Variants in HNF4A observed in about 807,000 individuals in gnomAD.
HNF4A encodes the protein hepatocyte nuclear factor 4-alpha.
A neutral mutation model predicts 52.4 loss-of-function variants in HNF4A; 15 were observed. The ratio of observed to expected loss-of-function variants is 0.29; its 90% CI spans 0.19 to 0.44. HNF4A has a LOEUF of 0.44. Ranked by LOEUF, HNF4A falls within the 20% of genes least tolerant of loss-of-function variation. The pLI, the probability that HNF4A is intolerant of heterozygous loss-of-function variation, is 1.00. For synonymous variants in HNF4A, 280 were observed against 264.4 expected, an observed-to-expected ratio of 1.06 and a Z score of -0.57; for missense variants, 479 against 647.2, an observed-to-expected ratio of 0.74 and a Z score of 2.82.
intron 3 of HNF4A, among the ~76,000 whole-genome samples, chr20:44,413,426 C>T (rs780506227): frequency 6.6e-6 from 1 of 152,102 alleles, no homozygotes; most frequent in Non-Finnish European, 1.5e-5. Context: ...AATTTTAAAC[C>T]CATAGCCGAG....
At position 44,432,830 on chromosome 20, in the gene HNF4A, C is replaced by T. The variant is rs926676104; in HGVS notation, c.*3165C>T. The T allele has an allele frequency of 9.9e-5, 15 of 152,156 alleles. No homozygotes were observed. The highest frequency in any genetic ancestry group is 2.2e-4 in the African/African-American group (9 of 41,502). 9.4% of individuals were successfully genotyped at this position (152,156 alleles called of 1,614,324 possible). ...AAAGTTTATAAAACAAAATAAATGG[C>T]GCATATGTTTTCTAAGTCCTTGGAT... On this transcript the variant is annotated 3_prime_UTR_variant, in exon 10 of 10. Transcript: ENST00000316099.
intron 3 of HNF4A, among the ~76,000 whole-genome samples, chr20:44,410,436 T>C (rs953762026): frequency 6.6e-6 from 1 of 152,000 alleles, no homozygotes; most frequent in Non-Finnish European, 1.5e-5. Flanking sequence ...GCCACTGTGG[T>C]CAAGCCATAG....
chr20:44,386,159 ATTTTTTTT>A (rs35559000), intron 1 of HNF4A, among the ~76,000 whole-genome samples: 5 of 73,060 alleles, frequency 6.8e-5, no homozygotes, highest in African/African-American at 2.4e-4. Flanking sequence ...CCACCATCTG[ATTTTTTTT>A]TTTTTTTTTT....
At chr20:44,408,481 T>C (rs1002665897) in intron 3 of HNF4A, among the ~76,000 whole-genome samples, 2 of 152,144 alleles carry the variant, frequency 1.3e-5, no homozygotes, top group African/African-American at 4.8e-5. Context: ...TCCCAGCACT[T>C]TGGGAGGCCG....
chr20:44,393,414 C>A (rs1050573683), intron 1 of HNF4A, among the ~76,000 whole-genome samples: 5 of 152,224 alleles, frequency 3.3e-5, no homozygotes, highest in African/African-American at 1.2e-4. Context: ...CAGTCAGCAT[C>A]TCCCACAGTG....
intron 1 of HNF4A, among the ~76,000 whole-genome samples, chr20:44,358,939 G>A (rs2062889254): frequency 6.6e-6 from 1 of 152,120 alleles, no homozygotes; most frequent in African/African-American, 2.4e-5. Context: ...GGTGGACTTG[G>A]CCCTCCCTGG....
At chr20:44,385,711 C>T (rs545307217) in intron 1 of HNF4A, among the ~76,000 whole-genome samples, 3 of 152,138 alleles carry the variant, frequency 2.0e-5, no homozygotes, top group Admixed American at 6.5e-5. Flanking sequence ...TCCAGTGATC[C>T]ACCTGCCTTG....
At chr20:44,419,479 T>C (rs953124652) in intron 6 of HNF4A, among the ~76,000 whole-genome samples, 1 of 152,176 alleles carries the variant, frequency 6.6e-6, no homozygotes, top group African/African-American at 2.4e-5. Context: ...TGTTGGTAAA[T>C]GGAGCTTGGG....
chr20:44,404,437 A>T (rs1356415279), intron 1 of HNF4A, among the ~76,000 whole-genome samples: 1 of 152,094 alleles, frequency 6.6e-6, no homozygotes, highest in East Asian at 1.9e-4. Context: ...CCCCTGAGGA[A>T]TCCAAGGTTG....
intron 1 of HNF4A, among the ~76,000 whole-genome samples, chr20:44,383,206 G>A (rs2063177014): frequency 6.6e-6 from 1 of 152,096 alleles, no homozygotes; most frequent in Non-Finnish European, 1.5e-5. Context: ...ATTTGGATCT[G>A]GATCCTGCCA....
Position 44,402,646 on chromosome 20 carries a change from T to G in HNF4A, c.115+1159T>G, listed in dbSNP as rs777719347. 5.9e-6 allele frequency: 8 copies of G among 1,356,210 alleles called. No individual in the cohort carries two copies. The Admixed American group carries it at 9.7e-5, about 16-fold the overall frequency. 84.0% of individuals were successfully genotyped at this position (1,356,210 alleles called of 1,614,324 possible). On this transcript the variant is annotated intron_variant, in intron 1 of 9. Transcript: ENST00000316099. Reference sequence around the variant, plus strand: ...GGGTGGACAGTTCTCCACAGGGAGGTAGGGGAAAAGAGGAGGCCCGGAAAC... The same window carrying G: ...GGGTGGACAGTTCTCCACAGGGAGGGAGGGGAAAAGAGGAGGCCCGGAAAC...
chr20:44,358,883 G>A (rs771690962), intron 1 of HNF4A, among the ~76,000 whole-genome samples: 12 of 152,152 alleles, frequency 7.9e-5, no homozygotes, highest in Non-Finnish European at 1.6e-4. Flanking sequence ...ATGTTTTTGA[G>A]CTTTAGCAGG....
chr20:44,414,735 G>A, intron 5 of HNF4A, 73 bp downstream of exon 5: 1 of 1,419,004 alleles, frequency 7.0e-7, no homozygotes, highest in South Asian at 1.2e-5. Context: ...GGCCCACCTG[G>A]GATATAGCCG....
Position 44,416,998 on chromosome 20 carries a change from C to T in HNF4A, c.649-1427C>T, listed in dbSNP as rs147536886. Reference sequence around the variant, plus strand: ...ACTTATTTGTTCTCTACTATCTGTTCATCCTCTCTCCTATAAATGTTAGTT... The same window carrying T: ...ACTTATTTGTTCTCTACTATCTGTTTATCCTCTCTCCTATAAATGTTAGTT... On this transcript the variant is annotated intron_variant, in intron 5 of 9. Coordinates refer to ENST00000316099, the MANE Select transcript of HNF4A (RefSeq NM_000457.6). Among the ~76,000 whole-genome samples, 113 of 152,216 alleles carry T rather than the reference C, an allele frequency of 7.4e-4. 2 individuals are homozygous for T. The highest frequency in any genetic ancestry group is 2.6e-3 in the African/African-American group (106 of 41,536).
intron 1 of HNF4A, among the ~76,000 whole-genome samples, chr20:44,377,035 T>C (rs966845908): frequency 2.0e-5 from 3 of 152,054 alleles, no homozygotes; most frequent in Admixed American, 1.3e-4. Flanking sequence ...ACCCTGTCTC[T>C]ATCAAAAAAT....
intron 1 of HNF4A, among the ~76,000 whole-genome samples, chr20:44,364,989 G>C (rs1173492136): frequency 2.0e-5 from 3 of 152,130 alleles, no homozygotes; most frequent in Non-Finnish European, 4.4e-5. Flanking sequence ...TGGAAGATGT[G>C]GTCCCTAGCG....
At chr20:44,418,171 C>T (rs560078652) in intron 5 of HNF4A, among the ~76,000 whole-genome samples, 41 of 152,202 alleles carry the variant, frequency 2.7e-4, no homozygotes, top group Admixed American at 1.7e-3. Context: ...AGGCCCAGCA[C>T]GAAGCAGTTT....
At chr20:44,403,757 G>A (rs1475162203) in intron 1 of HNF4A, among the ~76,000 whole-genome samples, 3 of 152,132 alleles carry the variant, frequency 2.0e-5, no homozygotes, top group African/African-American at 7.2e-5. Context: ...GAAGCAGTGC[G>A]ATGACACCAG....
At chr20:44,412,942 C>T (rs566292916) in intron 3 of HNF4A, among the ~76,000 whole-genome samples, 5 of 152,322 alleles carry the variant, frequency 3.3e-5, no homozygotes, top group African/African-American at 1.2e-4. Context: ...TCTGGTGCAG[C>T]TTCAACCTCC....
Sources: gnomAD v4.1 joint callset for allele counts (sites outside exome capture counted in the v4.1 genomes callset) on GRCh38, gnomAD v4.1.1 for gene constraint, MANE v1.5 for transcripts, NCBI Gene and HGNC (gene_info 2026-07-23, HGNC 2026-07-21) for gene names.